The following DAPK1 variants were observed in gnomAD, a reference collection of about 807,000 sequenced individuals.
DAPK1 encodes death associated protein kinase 1, also known as death-associated protein kinase 1.
In DAPK1, 56 loss-of-function variants were observed where a neutral mutation model predicts 144.9. The observed-to-expected ratio is 0.39, with a 90% CI of 0.31 to 0.48. The LOEUF is 0.48. DAPK1 is among the 20% of genes least tolerant of loss of function. The probability of loss-of-function intolerance (pLI) is 0.95; values close to 1 mark genes in which losing one functional copy is unlikely to be tolerated. For missense variants in DAPK1, 1,454 were observed against 1,875.4 expected, an observed-to-expected ratio of 0.78 and a Z score of 4.15; for synonymous variants, 690 against 749.0, an observed-to-expected ratio of 0.92 and a Z score of 1.29.
At chr9:87,631,558 A>T (rs1429350653) in intron 3 of DAPK1, among the ~76,000 whole-genome samples, 6 of 152,190 alleles carry the variant, frequency 3.9e-5, no homozygotes, top group African/African-American at 1.2e-4. Context: ...TAAAACACTG[A>T]CTCAAAGCCC....
At chr9:87,624,664 G>T (rs1459709933) in intron 3 of DAPK1, among the ~76,000 whole-genome samples, 1 of 152,204 alleles carries the variant, frequency 6.6e-6, no homozygotes, top group Non-Finnish European at 1.5e-5. Flanking sequence ...ATTTCTTCCA[G>T]ATCCTGTGAC....
chr9:87,582,555 T>C (rs3095749), intron 2 of DAPK1, among the ~76,000 whole-genome samples: 131,746 of 148,122 alleles, frequency 0.89, 58,803 homozygotes, highest in African/African-American at 0.96. Context: ...CCAATTTTCC[T>C]GCTTTTTTTT....
chr9:87,577,444 C>G (rs1002687268), intron 2 of DAPK1, among the ~76,000 whole-genome samples: 5 of 152,130 alleles, frequency 3.3e-5, no homozygotes, highest in Non-Finnish European at 2.9e-5. Context: ...AGGGTCCCCC[C>G]CAAGAGATAC....
chr9:87,533,227 G>A (rs1046617760), intron 2 of DAPK1, among the ~76,000 whole-genome samples: 4 of 152,226 alleles, frequency 2.6e-5, no homozygotes, highest in African/African-American at 9.6e-5. Flanking sequence ...ATAAAAGAAT[G>A]AAATTGTCCA....
chr9:87,551,334 G>A (rs1237816796), intron 2 of DAPK1, among the ~76,000 whole-genome samples: 1 of 152,078 alleles, frequency 6.6e-6, no homozygotes, highest in African/African-American at 2.4e-5. Context: ...TTTTACTAGA[G>A]ACGGGGTTTC....
intron 18 of DAPK1, among the ~76,000 whole-genome samples, chr9:87,660,977 T>C (rs1400609209): frequency 1.3e-5 from 2 of 152,232 alleles, no homozygotes; most frequent in Non-Finnish European, 2.9e-5. Context: ...CCCAAGTAGC[T>C]GGGACTACAG....
chr9:87,598,282 G>A (rs531562578), intron 2 of DAPK1, among the ~76,000 whole-genome samples: 5 of 152,308 alleles, frequency 3.3e-5, no homozygotes, highest in Non-Finnish European at 7.4e-5. Flanking sequence ...GTGTTAATGA[G>A]AAACCATATT....
intron 21 of DAPK1, among the ~76,000 whole-genome samples, chr9:87,690,245 A>G (rs1470737934): frequency 2.0e-5 from 3 of 151,680 alleles, no homozygotes; most frequent in East Asian, 1.9e-4. Context: ...ATTCCTGAGT[A>G]TTTTATTTTT....
intron 14 of DAPK1, 30 bp from the exon 15 acceptor site, chr9:87,648,751 T>C (rs1041154091): frequency 4.2e-5 from 67 of 1,588,206 alleles, no homozygotes; most frequent in Non-Finnish European, 5.4e-5. Context: ...CAGATGTGGC[T>C]CTGAATCACC....
intron 2 of DAPK1, among the ~76,000 whole-genome samples, chr9:87,500,057 G>A (rs1363086290): frequency 1.3e-5 from 2 of 152,134 alleles, no homozygotes; most frequent in African/African-American, 2.4e-5. Flanking sequence ...ATTGAAATAT[G>A]TATTTTCCCA....
intron 2 of DAPK1, among the ~76,000 whole-genome samples, chr9:87,545,102 C>T (rs140346696): frequency 1.3e-5 from 2 of 152,170 alleles, no homozygotes; most frequent in Non-Finnish European, 2.9e-5. Flanking sequence ...ATCAGCTATC[C>T]CTGCACTTTG....
At chr9:87,576,972 C>A (rs914307042) in intron 2 of DAPK1, among the ~76,000 whole-genome samples, 1 of 152,214 alleles carries the variant, frequency 6.6e-6, no homozygotes, top group African/African-American at 2.4e-5. Context: ...CAGCCCAGTG[C>A]CCAGCAACCT....
chr9:87,565,260 C>T (rs762118164), intron 2 of DAPK1, among the ~76,000 whole-genome samples: 5 of 152,098 alleles, frequency 3.3e-5, no homozygotes, highest in Admixed American at 1.3e-4. Context: ...GAAAGAAAAA[C>T]GTGAGACAGA....
At position 87,647,287 on chromosome 9, in the gene DAPK1, A is replaced by C; in HGVS notation, c.1231-18A>C. 1 of 1,606,666 alleles carries C rather than the reference A, an allele frequency of 6.2e-7. No homozygotes were observed. Among genetic ancestry groups the C allele is most frequent in the Non-Finnish European group, 8.5e-7 (1 of 1,173,508 alleles). On this transcript the variant is annotated intron_variant, in intron 13 of 25. Transcript: ENST00000408954. ...GTCAGCTCCCTAGAAATGTGACCCC[A>C]GGTTGATTTTCCTGCAGGGCGGGTC... is the stretch of plus-strand genomic sequence containing the variant.
chr9:87,665,084 A>C (rs1780722588), intron 18 of DAPK1, among the ~76,000 whole-genome samples: 1 of 151,996 alleles, frequency 6.6e-6, no homozygotes, highest in South Asian at 2.1e-4. Context: ...GGACCACCCT[A>C]TTTTAAATCC....
chr9:87,590,369 CA>C lies in DAPK1; in HGVS notation c.63-14569del, dbSNP rs200588801. 8.5e-3 allele frequency among the ~76,000 whole-genome samples: 727 copies of C among 85,688 alleles called. 2 individuals carry two copies. The highest frequency in any genetic ancestry group is 0.044 in the Middle Eastern group (6 of 136). The allele number at this position is 85,688 out of a possible 152,430, so 56.2% of individuals were successfully genotyped here. On this transcript the variant is annotated intron_variant, in intron 2 of 25. Coordinates refer to ENST00000408954, the MANE Select transcript of DAPK1 (RefSeq NM_004938.4). The stretch of plus-strand genomic sequence containing the variant: ...TTTCCCAAGTGCAGATCATTGGCCT[CA>C]AAAAAAAAAAAAAAAGAAAAGAAAA...
At chr9:87,570,812 C>T (rs1827302224) in intron 2 of DAPK1, among the ~76,000 whole-genome samples, 1 of 152,242 alleles carries the variant, frequency 6.6e-6, no homozygotes, top group South Asian at 2.1e-4. Flanking sequence ...AAACCATTTG[C>T]AAACACATAG....
chr9:87,559,409 C>T (rs148314193), intron 2 of DAPK1, among the ~76,000 whole-genome samples: 11 of 152,060 alleles, frequency 7.2e-5, no homozygotes, highest in South Asian at 2.1e-4. Context: ...TGTTCTGTGC[C>T]GCCCAGTGTG....
At chr9:87,685,580 T>C (rs1463421189) in intron 20 of DAPK1, among the ~76,000 whole-genome samples, 3 of 152,200 alleles carry the variant, frequency 2.0e-5, no homozygotes, top group Admixed American at 1.3e-4. Flanking sequence ...AGCTTCTGCC[T>C]GCACAAGCCT....
Sources: gnomAD v4.1 joint callset for allele counts (sites outside exome capture counted in the v4.1 genomes callset) on GRCh38, gnomAD v4.1.1 for gene constraint, MANE v1.5 for transcripts, NCBI Gene and HGNC (gene_info 2026-07-23, HGNC 2026-07-21) for gene names.